Variants in DSCAML1 observed in about 807,000 individuals in gnomAD.
DSCAML1 encodes DS cell adhesion molecule like 1.
DSCAML1 carries 38 observed loss-of-function variants against 200.5 expected under a neutral mutation model. That is an observed-to-expected ratio of 0.19 (90% CI 0.15 to 0.25). The LOEUF is 0.25. DSCAML1 is among the 10% of genes least tolerant of loss of function. The pLI is 1.00. For missense variants in DSCAML1, 2,223 were observed against 2,858.8 expected (o/e 0.78, Z 5.07); for synonymous variants, 1,215 against 1,165.0 (o/e 1.04, Z -0.87).
At chr11:117,474,165 C>A (rs2048742641) in intron 14 of DSCAML1, among the ~76,000 whole-genome samples, 1 of 152,164 alleles carries the variant, frequency 6.6e-6, no homozygotes, top group Non-Finnish European at 1.5e-5. Context: ...TCACATCCTC[C>A]TGCGACATCA....
intron 31 of DSCAML1, 107 bp from the exon 32 acceptor site, chr11:117,431,140 C>T: frequency 8.9e-7 from 1 of 1,121,918 alleles, no homozygotes; most frequent in Middle Eastern, 2.6e-4. Context: ...TAAGTCTGGC[C>T]ATGGAGGGCA....
intron 24 of DSCAML1, 111 bp from the exon 25 acceptor site, chr11:117,438,194 G>T: frequency 9.1e-7 from 1 of 1,098,440 alleles, no homozygotes; most frequent in Non-Finnish European, 1.3e-6. Context: ...GCAGAGTCAG[G>T]CTTTTGGTCA....
At chr11:117,577,644 G>T (rs2050970935) in intron 3 of DSCAML1, among the ~76,000 whole-genome samples, 2 of 147,654 alleles carry the variant, frequency 1.4e-5, no homozygotes, top group African/African-American at 5.1e-5. Flanking sequence ...TCGTTTCACT[G>T]CAACCTCTGC....
rs991857196 is a variant in DSCAML1, at chr11:117,428,238, T to C, written c.*90A>G. 9.0e-6 allele frequency: 7 copies of C among 780,648 alleles called. No homozygotes were observed. Among genetic ancestry groups the C allele is most frequent in the Admixed American group, 7.5e-5 (3 of 40,080 alleles). The allele number at this position is 780,648 out of a possible 1,614,324, so 48.4% of individuals were successfully genotyped here. On this transcript the variant is annotated 3_prime_UTR_variant, in exon 33 of 33. Coordinates refer to ENST00000651296, the MANE Select transcript of DSCAML1 (RefSeq NM_020693.4). ...TCGTTGGTTGGTTTTTGTCTGTCAG[T>C]TGAATATAAATAATGCAGAAAAACA... is the stretch of plus-strand genomic sequence containing the variant.
chr11:117,689,933 AG>A (rs1040503492), intron 3 of DSCAML1, among the ~76,000 whole-genome samples: 21 of 152,148 alleles, frequency 1.4e-4, no homozygotes, highest in African/African-American at 4.1e-4. Context: ...GAATAGGAGC[AG>A]GGGGAAAGGG....
At chr11:117,544,257 C>T (rs2050329326) in intron 3 of DSCAML1, among the ~76,000 whole-genome samples, 1 of 152,218 alleles carries the variant, frequency 6.6e-6, no homozygotes, top group South Asian at 2.1e-4. Flanking sequence ...GCAATCAATA[C>T]AGGTTACCAG....
At chr11:117,521,021 A>G (rs7936795) in intron 6 of DSCAML1, 109 bp downstream of exon 6, 253,859 of 1,436,750 alleles carry the variant, frequency 0.18, 24,336 homozygotes, top group South Asian at 0.31. Context: ...CCTGGTGTGT[A>G]GTGAGCGCTG....
rs1465028560 is a variant in DSCAML1 at position 117,810,070 on chromosome 11, C to CACA, written c.-250+7319_-250+7320insTGT. 5.1e-3 allele frequency among the ~76,000 whole-genome samples: 759 copies of CACA among 149,508 alleles called. 5 individuals carry two copies. Among genetic ancestry groups the CACA allele is most frequent in the African/African-American group, 0.018 (709 of 39,704 alleles). ...ACACTCACACACATTCACACACTCACTTACACATTCGCACACACATACACA... is the reference window on the plus strand; with the variant it reads ...ACACTCACACACATTCACACACTCACACATTACACATTCGCACACACATACACA... On this transcript the variant is annotated intron_variant, in intron 1 of 2. Coordinates refer to the DSCAML1 transcript ENST00000525836.
intron 1 of DSCAML1, among the ~76,000 whole-genome samples, chr11:117,805,572 ACACG>A (rs2055701665): frequency 1.3e-5 from 2 of 152,202 alleles, no homozygotes; most frequent in Non-Finnish European, 2.9e-5. Flanking sequence ...GCAGGCTTTA[ACACG>A]CTGGTGGGCA....
chr11:117,437,334 C>T lies in DSCAML1; in HGVS notation c.4508G>A (p.Trp1503Ter). 6.2e-7 allele frequency: 1 copy of T among 1,614,262 alleles called. No homozygotes were observed. The highest frequency in any genetic ancestry group is 8.5e-7 in the Non-Finnish European group (1 of 1,180,052). Residue 1503 changes from tryptophan (W) to a stop codon, truncating the protein, a stop_gained, in exon 26 of 33, where the codon TGG becomes TAG. Transcript: ENST00000651296. LOFTEE classifies it high-confidence loss of function. The surrounding 1 kb of genome is among the most constrained non-coding windows in gnomAD (Gnocchi z 5.3). ...STHARLNLQGWNNGGCPITAI... is the reference protein window; with the variant it reads ...STHARLNLQG ...TGTGATAGGGCAGCCCCCATTGTTCCAGCCCTGCAGGTTAAGCCGAGCATG... is the reference window on the plus strand; with the variant it reads ...TGTGATAGGGCAGCCCCCATTGTTCTAGCCCTGCAGGTTAAGCCGAGCATG...
At chr11:117,673,127 G>A (rs1035392740) in intron 3 of DSCAML1, among the ~76,000 whole-genome samples, 9 of 152,060 alleles carry the variant, frequency 5.9e-5, no homozygotes, top group South Asian at 2.1e-4. Context: ...TCTTCCAGCC[G>A]GTCAGCATGA....
chr11:117,729,602 G>T (rs532341586), intron 3 of DSCAML1, among the ~76,000 whole-genome samples: 1 of 152,276 alleles, frequency 6.6e-6, no homozygotes, highest in South Asian at 2.1e-4. Context: ...ATTTTAAAAT[G>T]AAAATTATGT....
Position 117,438,169 on chromosome 11 carries a change from G to C in DSCAML1, c.4244-86C>G, listed in dbSNP as rs112345311. 934 of 1,359,000 alleles carry C rather than the reference G, an allele frequency of 6.9e-4. 8 individuals carry two copies. The African/African-American group carries it at 0.013, about 18-fold the overall frequency. The allele number at this position is 1,359,000 out of a possible 1,614,324, so 84.2% of individuals were successfully genotyped here. On this transcript the variant is annotated intron_variant, in intron 24 of 32. Transcript: ENST00000651296. ...CCTCAGGTACCCCAACAGGGGGCTGGGCTCCAGGCAGGGGGCAGAGTCAGG... is the reference window on the plus strand; with the variant it reads ...CCTCAGGTACCCCAACAGGGGGCTGCGCTCCAGGCAGGGGGCAGAGTCAGG...
At chr11:117,737,916 A>G (rs1336651598) in intron 3 of DSCAML1, among the ~76,000 whole-genome samples, 1 of 152,096 alleles carries the variant, frequency 6.6e-6, no homozygotes, top group Non-Finnish European at 1.5e-5. Flanking sequence ...GATACTTATT[A>G]CACACACAGT....
chr11:117,774,610 T>C (rs1303887526), intron 3 of DSCAML1, among the ~76,000 whole-genome samples: 1 of 152,134 alleles, frequency 6.6e-6, no homozygotes, highest in Non-Finnish European at 1.5e-5. Context: ...CTGCACTTGG[T>C]TCCATGAAGC....
chr11:117,769,013 T>C (rs1001788892), intron 3 of DSCAML1, among the ~76,000 whole-genome samples: 5 of 146,308 alleles, frequency 3.4e-5, no homozygotes, highest in African/African-American at 1.0e-4. Context: ...GGGGTGGAGG[T>C]TGCAGTGAAC....
At chr11:117,592,996 T>C (rs1416730595) in intron 3 of DSCAML1, among the ~76,000 whole-genome samples, 1 of 152,234 alleles carries the variant, frequency 6.6e-6, no homozygotes, top group Non-Finnish European at 1.5e-5. Context: ...GGGCTAATGA[T>C]ACTTACCCCA....
chr11:117,544,686 C>T (rs2050338129), intron 3 of DSCAML1, among the ~76,000 whole-genome samples: 1 of 152,132 alleles, frequency 6.6e-6, no homozygotes, highest in Non-Finnish European at 1.5e-5. Flanking sequence ...ACTCAGTACC[C>T]CAGAGGGAGA....
In DSCAML1 at chr11:117,439,687, C is replaced by G; in HGVS notation, c.3980+132G>C. 4.4e-6 allele frequency: 4 copies of G among 902,328 alleles called. No individual in the cohort carries two copies. In the South Asian group the frequency reaches 6.2e-5, roughly 14 times the overall value. The allele number at this position is 902,328 out of a possible 1,614,324, so 55.9% of individuals were successfully genotyped here. Reference sequence around the variant, plus strand: ...TGCTTGAGAGAGCAGTAGCAGCACACCCTGCAGGGCCTCTGCAGGCCTGGA... The same window carrying G: ...TGCTTGAGAGAGCAGTAGCAGCACAGCCTGCAGGGCCTCTGCAGGCCTGGA... On this transcript the variant is annotated intron_variant, in intron 22 of 32. Coordinates refer to ENST00000651296, the MANE Select transcript of DSCAML1 (RefSeq NM_020693.4).
Sources: allele counts gnomAD v4.1 joint callset (sites outside exome capture counted in the v4.1 genomes callset), GRCh38; gene constraint gnomAD v4.1.1; non-coding constraint Gnocchi (gnomAD v3.1); transcripts MANE v1.5; gene names NCBI Gene and HGNC (gene_info 2026-07-23, HGNC 2026-07-21).